Variants in LTB4R2 observed in about 807,000 individuals in gnomAD.
LTB4R2 encodes the protein LTB4 receptor JULF2.
A neutral mutation model predicts 5.3 loss-of-function variants in LTB4R2; 6 were observed. The ratio of observed to expected loss-of-function variants is 1.14; its 90% confidence interval spans 0.62 to 2.24. The LOEUF is 2.24. Ranked by LOEUF, LTB4R2 falls within the 30% of genes most tolerant of loss-of-function variation. The probability of loss-of-function intolerance (pLI) is 0.00; values close to 1 mark genes in which losing one functional copy is unlikely to be tolerated. For missense variants in LTB4R2, 560 were observed against 521.5 expected, an observed-to-expected ratio of 1.07 and a Z score of -0.72; for synonymous variants, 310 against 264.2, an observed-to-expected ratio of 1.17 and a Z score of -1.68.
chr14:24,311,037 C>G lies in LTB4R2; in HGVS notation c.373C>G (p.Arg125Gly). ...CCTGCAGCGCTGCCTCGCAGTCACCCGCCCCTTCCTGGCGCCTCGGCTGCG... is the reference window on the plus strand; with the variant it reads ...CCTGCAGCGCTGCCTCGCAGTCACCGGCCCCTTCCTGGCGCCTCGGCTGCG... ...LSLQRCLAVT[R>G]PFLAPRLRSP... Residue 125 changes from arginine (R) to glycine (G), a missense_variant, in exon 2 of 2, where the codon CGC becomes GGC. Coordinates refer to ENST00000533293, the MANE Select transcript of LTB4R2 (RefSeq NM_019839.5). 5.7e-6 allele frequency: 9 copies of G among 1,579,762 alleles called. No individual in the cohort carries two copies. Among genetic ancestry groups the G allele is most frequent in the Non-Finnish European group, 7.7e-6 (9 of 1,172,348 alleles).
chr14:24,311,093 G>C lies in LTB4R2; in HGVS notation c.429G>C (p.Leu143=). ...CGGCCCTGGCCCGCCGCCTGCTGCT[G>C]GCGGTCTGGCTGGCCGCCCTGTTGC... ...RSPALARRLL[L]AVWLAALLLA... is the part of the protein sequence containing the mutation. Residue 143 remains leucine (L), a synonymous_variant, in exon 2 of 2, where the codon CTG becomes CTC. Coordinates refer to ENST00000533293, the MANE Select transcript of LTB4R2 (RefSeq NM_019839.5). The C allele has an allele frequency of 6.4e-7, 1 of 1,563,024 alleles. No homozygotes were observed. The highest frequency in any genetic ancestry group is 8.6e-7 in the Non-Finnish European group (1 of 1,161,992).
Position 24,311,651 on chromosome 14 carries a change from T to G in LTB4R2, c.987T>G (p.Thr329=). The change falls in exon 2 of 2, where the codon ACT becomes ACG. Residue 329 remains threonine, a synonymous_variant. Transcript: ENST00000533293. The part of the protein sequence containing the change: ...RSREGTMELR[T]TPQLKVVGQG... ...GGGAAGGGACCATGGAGCTCCGAACTACCCCTCAGCTGAAAGTGGTGGGGC... is the reference window on the plus strand; with the variant it reads ...GGGAAGGGACCATGGAGCTCCGAACGACCCCTCAGCTGAAAGTGGTGGGGC... 2 of 1,613,248 alleles carry G rather than the reference T, an allele frequency of 1.2e-6. No individual in the cohort carries two copies. Among genetic ancestry groups the G allele is most frequent in the East Asian group, 4.5e-5 (2 of 44,872 alleles).
rs748458878 is a variant in LTB4R2 at position 24,311,784 on chromosome 14, C to T, written c.*43C>T. The T allele has an allele frequency of 1.7e-5, 25 of 1,470,702 alleles. No individual in the cohort carries two copies. The highest frequency in any genetic ancestry group is 1.8e-4 in the Middle Eastern group (1 of 5,430). The allele number at this position is 1,470,702 out of a possible 1,614,324, so 91.1% of individuals were successfully genotyped here. On this transcript the variant is annotated 3_prime_UTR_variant, in exon 2 of 2. Coordinates refer to ENST00000533293, the MANE Select transcript of LTB4R2 (RefSeq NM_019839.5). Reference sequence around the variant, plus strand: ...TGCTGCCCTTCCCTGTCCCTTTCCACCCCCCACCCACCCTCCAGAGGTCAG... The same window carrying T: ...TGCTGCCCTTCCCTGTCCCTTTCCATCCCCCACCCACCCTCCAGAGGTCAG...
Position 24,311,330 on chromosome 14 carries a change from G to A in LTB4R2, c.666G>A (p.Val222=). ...RWGSGRHGAR[V]GRLVSAIVLA... Reference sequence around the variant, plus strand: ...GCTCCGGGCGGCACGGGGCGCGGGTGGGCCGGCTGGTGAGCGCCATCGTGC... The same window carrying A: ...GCTCCGGGCGGCACGGGGCGCGGGTAGGCCGGCTGGTGAGCGCCATCGTGC... The change falls in exon 2 of 2, where the codon GTG becomes GTA. Residue 222 remains valine, a synonymous_variant. Coordinates refer to ENST00000533293, the MANE Select transcript of LTB4R2 (RefSeq NM_019839.5). 6.2e-7 allele frequency: 1 copy of A among 1,601,662 alleles called. No homozygotes were observed.
rs545363343 is a variant in LTB4R2, at chr14:24,310,803, GGCTGGCGGCCTGCACGGGGGCGACC to G, written c.150_174del (p.Ala51ArgfsTer24). ...CGGCTTCGTGGTGTGGAGCTTGGCG[GGCTGGCGGCCTGCACGGGGGCGACC>G]GCTGGCGGCCACGCTTGTGCTGCAC... On this transcript the variant is annotated frameshift_variant, in exon 2 of 2. Transcript: ENST00000533293. LOFTEE classifies it low-confidence loss of function (END_TRUNC). 1.4e-3 allele frequency: 2,187 copies of G among 1,602,822 alleles called. 1 individual carries two copies. The highest frequency in any genetic ancestry group is 2.6e-3 in the East Asian group (117 of 44,736).
chr14:24,311,169 C>T lies in LTB4R2; in HGVS notation c.505C>T (p.Gln169Ter), dbSNP rs888311178. The change falls in exon 2 of 2, where the codon CAG becomes TAG. Residue 169 changes from glutamine to a stop codon, truncating the protein, a stop_gained. Coordinates refer to ENST00000533293, the MANE Select transcript of LTB4R2 (RefSeq NM_019839.5). LOFTEE classifies it low-confidence loss of function (END_TRUNC). ...CCACCTGTGGAGGGACCGCGTATGC[C>T]AGCTGTGCCACCCGTCGCCGGTCCA... ...YRHLWRDRVC[Q>*]LCHPSPVHAA... The T allele has an allele frequency of 6.2e-7, 1 of 1,605,710 alleles. No homozygotes were observed. The highest frequency in any genetic ancestry group is 1.3e-5 in the African/African-American group (1 of 74,492).
chr14:24,311,401 TGCAGGCGGTC>T lies in LTB4R2; in HGVS notation c.742_751del (p.Ala248ArgfsTer83), dbSNP rs1211719474. The T allele has an allele frequency of 4.4e-6, 7 of 1,602,150 alleles. No individual in the cohort carries two copies. The highest frequency in any genetic ancestry group is 5.9e-6 in the Non-Finnish European group (7 of 1,179,714). On this transcript the variant is annotated frameshift_variant, in exon 2 of 2. Transcript: ENST00000533293. LOFTEE classifies it low-confidence loss of function (END_TRUNC). The stretch of plus-strand genomic sequence containing the variant: ...GCCCCCTACCACGCAGTCAACCTTC[TGCAGGCGGTC>T]GCAGCGCTGGCTCCACCGGAAGGGG...
Position 24,311,379 on chromosome 14 carries a change from C to A in LTB4R2, c.715C>A (p.Pro239Thr). ...IVLAFGLLWAPYHAVNLLQAV... is the reference protein window; with the variant it reads ...IVLAFGLLWATYHAVNLLQAV... The stretch of plus-strand genomic sequence containing the variant: ...GCTTGCCTTCGGCTTGCTCTGGGCC[C>A]CCTACCACGCAGTCAACCTTCTGCA... Residue 239 changes from proline to threonine, a missense_variant, in exon 2 of 2, where the codon CCC (proline) becomes ACC (threonine). Coordinates refer to ENST00000533293, the MANE Select transcript of LTB4R2 (RefSeq NM_019839.5). 2 of 1,603,360 alleles carry A rather than the reference C, an allele frequency of 1.2e-6. No homozygotes were observed. Among genetic ancestry groups the A allele is most frequent in the Non-Finnish European group, 1.7e-6 (2 of 1,179,652 alleles).
Position 24,311,248 on chromosome 14 carries a change from G to C in LTB4R2, c.584G>C (p.Gly195Ala). Residue 195 changes from glycine to alanine, a missense_variant, in exon 2 of 2, where the codon GGG becomes GCG. Transcript: ENST00000533293. ...CTGACCGCTTTCGTGCTTCCTTTCG[G>C]GCTGATGCTCGGCTGCTACAGCGTG... The part of the protein sequence containing the change: ...ETLTAFVLPF[G>A]LMLGCYSVTL... The C allele has an allele frequency of 6.2e-7, 1 of 1,607,260 alleles. No homozygotes were observed. Among genetic ancestry groups the C allele is most frequent in the Non-Finnish European group, 8.5e-7 (1 of 1,177,278 alleles).
chr14:24,311,378 C>G lies in LTB4R2; in HGVS notation c.714C>G (p.Ala238=). 1.2e-6 allele frequency: 2 copies of G among 1,603,394 alleles called. No homozygotes were observed. Among genetic ancestry groups the G allele is most frequent in the Non-Finnish European group, 1.7e-6 (2 of 1,179,642 alleles). ...AIVLAFGLLW[A]PYHAVNLLQA... is the part of the protein sequence containing the mutation. The stretch of plus-strand genomic sequence containing the variant: ...TGCTTGCCTTCGGCTTGCTCTGGGC[C>G]CCCTACCACGCAGTCAACCTTCTGC... The change falls in exon 2 of 2, where the codon GCC becomes GCG. Residue 238 remains alanine, a synonymous_variant. Transcript: ENST00000533293.
At chr14:24,310,560 T>C (rs748249148) in intron 1 of LTB4R2, 95 bp from the exon 2 acceptor site, 10 of 1,226,976 alleles carry the variant, frequency 8.2e-6, no homozygotes, top group Non-Finnish European at 1.1e-5. Context: ...TGCAGGGAAG[T>C]AAGGAGGAGG....
rs1292443567 is a variant in LTB4R2, at chr14:24,311,155, G to A, written c.491G>A (p.Arg164Lys). The A allele has an allele frequency of 9.4e-6, 15 of 1,602,504 alleles. No individual in the cohort carries two copies. Among genetic ancestry groups the A allele is most frequent in the Non-Finnish European group, 1.3e-5 (15 of 1,176,446 alleles). The change falls in exon 2 of 2, where the codon AGG (arginine) becomes AAG (lysine). Residue 164 changes from arginine (R) to lysine (K), a missense_variant. Transcript: ENST00000533293. ...VPAAVYRHLWRDRVCQLCHPS... is the reference protein window; with the variant it reads ...VPAAVYRHLWKDRVCQLCHPS... ...GCCGCCGTCTACCGCCACCTGTGGA[G>A]GGACCGCGTATGCCAGCTGTGCCAC...
chr14:24,311,277 C>A lies in LTB4R2; in HGVS notation c.613C>A (p.Leu205Met). 6.3e-7 allele frequency: 1 copy of A among 1,594,344 alleles called. No individual in the cohort carries two copies. The highest frequency in any genetic ancestry group is 1.1e-5 in the South Asian group (1 of 88,944). ...GLMLGCYSVTLARLRGARWGS... is the reference protein window; with the variant it reads ...GLMLGCYSVTMARLRGARWGS... ...GATGCTCGGCTGCTACAGCGTGACG[C>A]TGGCACGGCTGCGGGGCGCCCGCTG... Residue 205 changes from leucine (L) to methionine (M), a missense_variant, in exon 2 of 2, where the codon CTG (leucine) becomes ATG (methionine). Leu to Met is a conservative substitution (Grantham distance 15, BLOSUM62 2). Transcript: ENST00000533293.
In LTB4R2 at chr14:24,311,324, G is replaced by C. The variant is rs2041696955; in HGVS notation, c.660G>C (p.Ala220=). 6.3e-7 allele frequency: 1 copy of C among 1,599,882 alleles called. No individual in the cohort carries two copies. Among genetic ancestry groups the C allele is most frequent in the African/African-American group, 1.3e-5 (1 of 74,824 alleles). The part of the protein sequence containing the change: ...GARWGSGRHG[A]RVGRLVSAIV... ...GCTGGGGCTCCGGGCGGCACGGGGC[G>C]CGGGTGGGCCGGCTGGTGAGCGCCA... Residue 220 remains alanine (A), a synonymous_variant, in exon 2 of 2, where the codon GCG becomes GCC. Transcript: ENST00000533293.
chr14:24,311,609 A>G lies in LTB4R2; in HGVS notation c.945A>G (p.Arg315=), dbSNP rs1323982984. The change falls in exon 2 of 2, where the codon CGA becomes CGG. Residue 315 remains arginine, a synonymous_variant. Transcript: ENST00000533293. ...TCTTCGAAGGCTCTGGGGAGGCCCG[A>G]GGGGGCGGCCGCTCTAGGGAAGGGA... is the stretch of plus-strand genomic sequence containing the variant. ...TRLFEGSGEA[R]GGGRSREGTM... 1 of 1,612,542 alleles carries G rather than the reference A, an allele frequency of 6.2e-7. No individual in the cohort carries two copies. Among genetic ancestry groups the G allele is most frequent in the Non-Finnish European group, 8.5e-7 (1 of 1,179,992 alleles).
At position 24,310,858 on chromosome 14, in the gene LTB4R2, C is replaced by A. The variant is rs375166428; in HGVS notation, c.194C>A (p.Ala65Glu). ...GCGGCCACGCTTGTGCTGCACCTGG[C>A]GCTGGCCGACGGCGCGGTGCTGCTG... is the stretch of plus-strand genomic sequence containing the variant. ...PLAATLVLHL[A>E]LADGAVLLLT... Residue 65 changes from alanine to glutamate, a missense_variant, in exon 2 of 2, where the codon GCG (alanine) becomes GAG (glutamate). By Grantham distance (107) the Ala-to-Glu change is moderately radical. Transcript: ENST00000533293. The A allele has an allele frequency of 6.3e-7, 1 of 1,591,058 alleles. No homozygotes were observed. Among genetic ancestry groups the A allele is most frequent in the South Asian group, 1.1e-5 (1 of 90,348 alleles).
At position 24,311,637 on chromosome 14, in the gene LTB4R2, A is replaced by C; in HGVS notation, c.973A>C (p.Met325Leu). ...RGGGRSREGT[M>L]ELRTTPQLKV... ...GGGCGGCCGCTCTAGGGAAGGGACC[A>C]TGGAGCTCCGAACTACCCCTCAGCT... Residue 325 changes from methionine to leucine, a missense_variant, in exon 2 of 2, where the codon ATG becomes CTG. Met to Leu is a conservative substitution (Grantham distance 15, BLOSUM62 2). Transcript: ENST00000533293. 2 of 1,613,464 alleles carry C rather than the reference A, an allele frequency of 1.2e-6. No homozygotes were observed. Among genetic ancestry groups the C allele is most frequent in the Non-Finnish European group, 1.7e-6 (2 of 1,179,944 alleles).
chr14:24,310,754 G>A lies in LTB4R2; in HGVS notation c.90G>A (p.Ala30=), dbSNP rs753012005. 7 of 1,610,216 alleles carry A rather than the reference G, an allele frequency of 4.3e-6. No individual in the cohort carries two copies. Among genetic ancestry groups the A allele is most frequent in the East Asian group, 2.2e-5 (1 of 44,880 alleles). The change falls in exon 2 of 2, where the codon GCG becomes GCA. Residue 30 remains alanine (A), a synonymous_variant. Coordinates refer to ENST00000533293, the MANE Select transcript of LTB4R2 (RefSeq NM_019839.5). The part of the protein sequence containing the change: ...RATGTAFLLL[A]ALLGLPGNGF... Reference sequence around the variant, plus strand: ...CAGGCACAGCCTTCCTGCTGCTGGCGGCGCTGCTGGGGCTGCCTGGCAACG... The same window carrying A: ...CAGGCACAGCCTTCCTGCTGCTGGCAGCGCTGCTGGGGCTGCCTGGCAACG...
At chr14:24,310,411 G>A (rs1008663130) in intron 1 of LTB4R2, 156 bp downstream of exon 1, 2 of 644,400 alleles carry the variant, frequency 3.1e-6, no homozygotes, top group Non-Finnish European at 5.6e-6. Flanking sequence ...GTTTACCACT[G>A]AGCTCTGGGA....
Sources: allele counts gnomAD v4.1 joint callset, GRCh38; gene constraint gnomAD v4.1.1; transcripts MANE v1.5; gene names NCBI Gene and HGNC (gene_info 2026-07-23, HGNC 2026-07-21).